Variants in C14orf132 observed in about 807,000 individuals in gnomAD.
The protein encoded by C14orf132 is uncharacterized protein C14orf132.
Under a neutral mutation model 5.8 loss-of-function variants are expected in C14orf132, and 6 were observed. The ratio of observed to expected loss-of-function variants is 1.03; its 90% CI spans 0.57 to 2.04. The LOEUF (loss-of-function observed/expected upper bound fraction) is 2.04, where lower values mean the gene tolerates loss of function less well. Among genes scored for constraint, C14orf132 ranks in the 30% most tolerant of loss-of-function variants. The probability of loss-of-function intolerance (pLI) is 0.00; values close to 1 mark genes in which losing one functional copy is unlikely to be tolerated. For synonymous variants in C14orf132, 51 were observed against 49.8 expected (o/e 1.02, Z -0.10); for missense variants, 125 against 115.8 (o/e 1.08, Z -0.37).
chr14:96,075,153 T>C (rs755404700), intron 1 of C14orf132, among the ~76,000 whole-genome samples: 1 of 152,218 alleles, frequency 6.6e-6, no homozygotes, highest in Non-Finnish European at 1.5e-5. Context: ...AGGCTAAGTA[T>C]TTTATTTTTT....
chr14:96,078,212 A>C (rs570919861), intron 1 of C14orf132, among the ~76,000 whole-genome samples: 3 of 152,346 alleles, frequency 2.0e-5, no homozygotes, highest in African/African-American at 7.2e-5. Context: ...TGGCCAGCGG[A>C]ACTGTCACTG....
intron 1 of C14orf132, among the ~76,000 whole-genome samples, chr14:96,053,414 G>A (rs1164439653): frequency 6.6e-6 from 1 of 152,220 alleles, no homozygotes; most frequent in African/African-American, 2.4e-5. Flanking sequence ...CCTGCTGTCT[G>A]CTCACTTCTG....
intron 1 of C14orf132, among the ~76,000 whole-genome samples, chr14:96,083,226 G>A (rs1427291846): frequency 6.6e-6 from 1 of 152,208 alleles, no homozygotes; most frequent in African/African-American, 2.4e-5. Context: ...TGTATGTTAA[G>A]GATGGGGCTG....
At chr14:96,048,031 T>C (rs1886881018) in intron 1 of C14orf132, among the ~76,000 whole-genome samples, 1 of 151,978 alleles carries the variant, frequency 6.6e-6, no homozygotes, top group East Asian at 1.9e-4. Flanking sequence ...CTACTAAAAA[T>C]ACAAAAATTA....
intron 1 of C14orf132, among the ~76,000 whole-genome samples, chr14:96,069,255 T>TTATATA (rs1887631356): frequency 1.5e-5 from 1 of 68,120 alleles, no homozygotes; most frequent in Non-Finnish European, 3.1e-5. Flanking sequence ...CTGTTTATGT[T>TTATATA]CATATATATA....
chr14:96,080,001 G>A lies in C14orf132; in HGVS notation c.28-6510G>A, dbSNP rs374855047. 5.3e-5 allele frequency among the ~76,000 whole-genome samples: 8 copies of A among 152,254 alleles called. 1 individual carries two copies. Among genetic ancestry groups the A allele is most frequent in the African/African-American group, 1.9e-4 (8 of 41,528 alleles). On this transcript the variant is annotated intron_variant, in intron 1 of 1. Coordinates refer to ENST00000555004, the MANE Select transcript of C14orf132 (RefSeq NM_001252507.3). ...TGGGATATACTTATGCTAATATGTGGGATATACTTATGCTAAAAATTGTGT... is the reference window on the plus strand; with the variant it reads ...TGGGATATACTTATGCTAATATGTGAGATATACTTATGCTAAAAATTGTGT...
chr14:96,065,457 C>T (rs1001596524), intron 1 of C14orf132, among the ~76,000 whole-genome samples: 4 of 152,018 alleles, frequency 2.6e-5, no homozygotes, highest in Non-Finnish European at 5.9e-5. Context: ...CTGGGCTTGC[C>T]GTTGCCCCGG....
In C14orf132 at chr14:96,089,601, C is replaced by T. The variant is rs1888316117; in HGVS notation, c.*2866C>T. 6.6e-6 allele frequency: 1 copy of T among 152,342 alleles called. No homozygotes were observed. Among genetic ancestry groups the T allele is most frequent in the Non-Finnish European group, 1.5e-5 (1 of 68,176 alleles). The allele number at this position is 152,342 out of a possible 1,614,324, so 9.4% of individuals were successfully genotyped here. The stretch of plus-strand genomic sequence containing the variant: ...TGTGGCCTGGGCCAGCTCTGGCTTC[C>T]ACAGGTCCCTGACTGTCCTCAGAGT... On this transcript the variant is annotated 3_prime_UTR_variant, in exon 2 of 2. Coordinates refer to ENST00000555004, the MANE Select transcript of C14orf132 (RefSeq NM_001252507.3).
intron 1 of C14orf132, among the ~76,000 whole-genome samples, chr14:96,072,371 T>C (rs1887738857): frequency 6.6e-6 from 1 of 152,134 alleles, no homozygotes; most frequent in Non-Finnish European, 1.5e-5. Context: ...GCTGAGTCTG[T>C]GCAGTGGGAA....
intron 1 of C14orf132, among the ~76,000 whole-genome samples, chr14:96,054,072 A>G (rs1887109786): frequency 6.6e-6 from 1 of 152,104 alleles, no homozygotes; most frequent in South Asian, 2.1e-4. Flanking sequence ...AGGGTGGTGG[A>G]AGTTCTGACT....
intron 1 of C14orf132, among the ~76,000 whole-genome samples, chr14:96,040,714 A>G (rs984603173): frequency 2.6e-5 from 4 of 151,530 alleles, no homozygotes. Context: ...TAAGTTTTCC[A>G]TGATGCTAAT....
chr14:96,051,936 G>A (rs1339736582), intron 1 of C14orf132, among the ~76,000 whole-genome samples: 4 of 152,208 alleles, frequency 2.6e-5, no homozygotes, highest in Admixed American at 2.0e-4. Flanking sequence ...CAGGAGCCCC[G>A]CCCTCTGGTG....
intron 1 of C14orf132, among the ~76,000 whole-genome samples, chr14:96,076,058 G>C (rs1393132179): frequency 6.6e-6 from 1 of 152,090 alleles, no homozygotes; most frequent in Admixed American, 6.5e-5. Flanking sequence ...TTTTTTCCCA[G>C]AAGATTTTTA....
In C14orf132 at chr14:96,079,401, G is replaced by A. The variant is rs148229149; in HGVS notation, c.28-7110G>A. ...CAACCTGTGTTGCCTCTTTCTAGCC[G>A]AAATGTCTTCACCCCGTCGAAATCC... On this transcript the variant is annotated intron_variant, in intron 1 of 1. Transcript: ENST00000555004. Among the ~76,000 whole-genome samples the A allele has an allele frequency of 2.7e-4, 41 of 152,210 alleles. No individual in the cohort carries two copies. In the East Asian group the frequency reaches 3.5e-3, roughly 13 times the overall value.
intron 1 of C14orf132, among the ~76,000 whole-genome samples, chr14:96,042,686 G>A (rs1400586430): frequency 6.6e-6 from 1 of 152,222 alleles, no homozygotes; most frequent in African/African-American, 2.4e-5. Flanking sequence ...TTAGACAGAG[G>A]TGCCCTCCCT....
chr14:96,070,418 G>A (rs1044141613), intron 1 of C14orf132, among the ~76,000 whole-genome samples: 21 of 152,012 alleles, frequency 1.4e-4, no homozygotes, highest in Non-Finnish European at 2.1e-4. Context: ...CTTCTGCACC[G>A]TCTAAAGTTC....
Position 96,089,279 on chromosome 14 carries a change from G to A in C14orf132, c.*2544G>A, listed in dbSNP as rs922662176. ...TGCCGGTCCTCACTGCTTAAGTTTT[G>A]TGTCCAGGTGCCACTAGACTTGCAT... On this transcript the variant is annotated 3_prime_UTR_variant, in exon 2 of 2. Transcript: ENST00000555004. 12 of 152,322 alleles carry A rather than the reference G, an allele frequency of 7.9e-5. No homozygotes were observed. Among genetic ancestry groups the A allele is most frequent in the African/African-American group, 2.9e-4 (12 of 41,444 alleles). 9.4% of individuals were successfully genotyped at this position (152,322 alleles called of 1,614,324 possible).
Position 96,071,990 on chromosome 14 carries a change from GAGA to G in C14orf132, c.28-14518_28-14516del, listed in dbSNP as rs137947518. ...GGTGAAGGGAGACCTGGTGTGAAGGGAGAAGCTCTTTTTGGAGTTGCCTCTTAC... is the reference window on the plus strand; with the variant it reads ...GGTGAAGGGAGACCTGGTGTGAAGGGAGCTCTTTTTGGAGTTGCCTCTTAC... On this transcript the variant is annotated intron_variant, in intron 1 of 1. Transcript: ENST00000555004. Among the ~76,000 whole-genome samples, 1,022 of 152,344 alleles carry G rather than the reference GAGA, an allele frequency of 6.7e-3. 7 individuals carry two copies. The highest frequency in any genetic ancestry group is 0.024 in the African/African-American group (978 of 41,578).
intron 1 of C14orf132, among the ~76,000 whole-genome samples, chr14:96,077,892 C>T (rs549117396): frequency 7.9e-5 from 12 of 152,320 alleles, no homozygotes; most frequent in Middle Eastern, 6.8e-3. Context: ...TTACTGTGCT[C>T]CTTTGAATCT....
Sources: allele counts gnomAD v4.1 joint callset (sites outside exome capture counted in the v4.1 genomes callset), GRCh38; gene constraint gnomAD v4.1.1; transcripts MANE v1.5; gene names NCBI Gene and HGNC (gene_info 2026-07-23, HGNC 2026-07-21).